The following BICC1 variants were observed in gnomAD, a reference collection of about 807,000 sequenced individuals.
The protein encoded by BICC1 is BicC family RNA binding protein 1, also known as protein bicaudal C homolog 1.
A neutral mutation model predicts 111.0 loss-of-function variants in BICC1; 43 were observed. The ratio of observed to expected loss-of-function variants is 0.39; its 90% CI spans 0.30 to 0.50. The LOEUF is 0.50. Among genes scored for constraint, BICC1 ranks in the 20% least tolerant of loss-of-function variants. BICC1 has a pLI of 0.88. For missense variants in BICC1, 1,091 were observed against 1,203.2 expected (o/e 0.91, Z 1.38); for synonymous variants, 467 against 434.4 (o/e 1.07, Z -0.93).
intron 2 of BICC1, among the ~76,000 whole-genome samples, chr10:58,652,705 G>A (rs900001423): frequency 4.0e-5 from 6 of 151,778 alleles, no homozygotes; most frequent in African/African-American, 9.7e-5. Context: ...TGTTTACCTC[G>A]TTAAACATTT....
At chr10:58,585,846 C>T (rs1487895875) in intron 1 of BICC1, among the ~76,000 whole-genome samples, 9 of 152,116 alleles carry the variant, frequency 5.9e-5, no homozygotes, top group Non-Finnish European at 1.0e-4. Flanking sequence ...CAGATGATGA[C>T]GTACCTTCAG....
intron 1 of BICC1, among the ~76,000 whole-genome samples, chr10:58,550,848 G>A (rs1435189981): frequency 6.6e-6 from 1 of 151,780 alleles, no homozygotes; most frequent in Non-Finnish European, 1.5e-5. Flanking sequence ...GATTTTAATT[G>A]GTATTAATTT....
chr10:58,664,922 C>T (rs1838962488), intron 2 of BICC1, among the ~76,000 whole-genome samples: 1 of 152,114 alleles, frequency 6.6e-6, no homozygotes, highest in South Asian at 2.1e-4. Flanking sequence ...AAACAGACTT[C>T]AGATTTCTCC....
intron 7 of BICC1, 111 bp from the exon 8 acceptor site, chr10:58,789,571 T>C (rs1843113378): frequency 6.6e-7 from 1 of 1,520,568 alleles, no homozygotes; most frequent in Non-Finnish European, 8.9e-7. Flanking sequence ...TACATTTTGG[T>C]TTGCAGAATA....
intron 2 of BICC1, among the ~76,000 whole-genome samples, chr10:58,677,981 C>A (rs1839395932): frequency 6.6e-6 from 1 of 152,126 alleles, no homozygotes; most frequent in African/African-American, 2.4e-5. Flanking sequence ...CCTTTACAGA[C>A]AAGCAACTGC....
At chr10:58,753,316 A>C (rs986510116) in intron 3 of BICC1, among the ~76,000 whole-genome samples, 2 of 152,070 alleles carry the variant, frequency 1.3e-5, no homozygotes, top group Non-Finnish European at 1.5e-5. Context: ...CCCCAGGCAC[A>C]CACCATCAGG....
chr10:58,679,163 A>G (rs6481424), intron 2 of BICC1, among the ~76,000 whole-genome samples: 151,902 of 152,278 alleles, frequency 1, 75,764 homozygotes, highest in Middle Eastern at 1. Context: ...AAATCTAGCA[A>G]AAGAGAAGAA....
intron 3 of BICC1, among the ~76,000 whole-genome samples, chr10:58,708,261 G>A (rs1298855171): frequency 1.3e-5 from 2 of 151,544 alleles, no homozygotes. Context: ...CAAAGTGCTG[G>A]GATTACACGT....
chr10:58,824,501 G>A (rs747203264), intron 20 of BICC1, among the ~76,000 whole-genome samples: 4 of 152,176 alleles, frequency 2.6e-5, no homozygotes, highest in Non-Finnish European at 5.9e-5. Context: ...GGGGTAAAAT[G>A]TGAAGGGTAT....
At chr10:58,536,959 G>A (rs990222219) in intron 1 of BICC1, among the ~76,000 whole-genome samples, 3 of 151,774 alleles carry the variant, frequency 2.0e-5, no homozygotes, top group Non-Finnish European at 4.4e-5. Flanking sequence ...AGCGGAAATG[G>A]ATAAATTCCC....
intron 2 of BICC1, among the ~76,000 whole-genome samples, chr10:58,685,262 C>A (rs1056964060): frequency 6.6e-6 from 1 of 152,142 alleles, no homozygotes; most frequent in African/African-American, 2.4e-5. Flanking sequence ...TGTTCTTTTA[C>A]ATTTGCTGAG....
intron 1 of BICC1, among the ~76,000 whole-genome samples, chr10:58,545,137 A>G (rs1843103450): frequency 6.6e-6 from 1 of 152,160 alleles, no homozygotes; most frequent in Admixed American, 6.6e-5. Context: ...GTGGTACTTC[A>G]TTACAGCAGC....
At chr10:58,568,329 G>A (rs1843835391) in intron 1 of BICC1, among the ~76,000 whole-genome samples, 1 of 152,134 alleles carries the variant, frequency 6.6e-6, no homozygotes, top group African/African-American at 2.4e-5. Flanking sequence ...GATTTGATAC[G>A]AAAGGGCTGG....
chr10:58,536,334 A>G (rs1466549482), intron 1 of BICC1, among the ~76,000 whole-genome samples: 1 of 151,792 alleles, frequency 6.6e-6, no homozygotes, highest in Non-Finnish European at 1.5e-5. Flanking sequence ...GCTGCAAAAC[A>G]AATCTCAATA....
intron 2 of BICC1, among the ~76,000 whole-genome samples, chr10:58,658,245 T>C (rs956711241): frequency 6.6e-6 from 1 of 152,200 alleles, no homozygotes; most frequent in Non-Finnish European, 1.5e-5. Flanking sequence ...TGGAGTGCAT[T>C]GGTGTGATCT....
intron 2 of BICC1, among the ~76,000 whole-genome samples, chr10:58,663,074 T>C (rs1236891868): frequency 7.5e-5 from 11 of 147,232 alleles, no homozygotes; most frequent in African/African-American, 1.0e-4. Flanking sequence ...TTCTTTTTTT[T>C]TTTTTTTTTT....
At chr10:58,731,714 GAGA>G in intron 3 of BICC1, among the ~76,000 whole-genome samples, 1 of 138,470 alleles carries the variant, frequency 7.2e-6, no homozygotes, top group African/African-American at 2.5e-5. Context: ...AGGGGAGAGA[GAGA>G]GAGAGAGAGA....
intron 1 of BICC1, among the ~76,000 whole-genome samples, chr10:58,619,818 G>A (rs1753885745): frequency 1.3e-5 from 2 of 152,174 alleles, no homozygotes; most frequent in Admixed American, 1.3e-4. Flanking sequence ...ATTCTTAAGT[G>A]ATTGCTCTGC....
intron 1 of BICC1, among the ~76,000 whole-genome samples, chr10:58,562,454 A>G (rs531183314): frequency 4.6e-5 from 7 of 151,576 alleles, no homozygotes; most frequent in East Asian, 1.9e-4. Context: ...CTTTACCTCA[A>G]TATTTCTGTT....
Sources: allele counts gnomAD v4.1 joint callset (sites outside exome capture counted in the v4.1 genomes callset), GRCh38; gene constraint gnomAD v4.1.1; transcripts MANE v1.5; gene names NCBI Gene and HGNC (gene_info 2026-07-23, HGNC 2026-07-21).